SUN1: variants seen among roughly 807,000 people sequenced by gnomAD.
SUN1 encodes the protein SUN domain-containing protein 1.
Under a neutral mutation model 103.2 loss-of-function variants are expected in SUN1, and 61 were observed. The ratio of observed to expected loss-of-function variants is 0.59; its 90% CI spans 0.48 to 0.73. SUN1 has a LOEUF of 0.73. Ranked by LOEUF, SUN1 falls within the 30% of genes least tolerant of loss-of-function variation. The probability of loss-of-function intolerance (pLI) is 0.00; values close to 1 mark genes in which losing one functional copy is unlikely to be tolerated. For synonymous variants in SUN1, 490 were observed against 425.7 expected, an observed-to-expected ratio of 1.15 and a Z score of -1.86; for missense variants, 1,052 against 1,034.6, an observed-to-expected ratio of 1.02 and a Z score of -0.23.
chr7:859,107 C>G (rs10253379), intron 13 of SUN1, among the ~76,000 whole-genome samples: 4 of 150,348 alleles, frequency 2.7e-5, no homozygotes, highest in Admixed American at 2.6e-4. Flanking sequence ...GAGCCAAGAT[C>G]GCGCCACTGC....
At chr7:843,263 A>G (rs1344697193) in intron 4 of SUN1, 31 bp downstream of exon 4, 2 of 1,606,790 alleles carry the variant, frequency 1.2e-6, no homozygotes, top group Non-Finnish European at 1.7e-6. Context: ...ATCTTCATAT[A>G]CTTTTCAAAA....
intron 12 of SUN1, among the ~76,000 whole-genome samples, chr7:856,627 A>G (rs1351536244): frequency 6.6e-6 from 1 of 152,136 alleles, no homozygotes; most frequent in African/African-American, 2.4e-5. Context: ...CTCTGTAGTT[A>G]GCACTCTCAA....
At chr7:835,808 A>G (rs1455457532) in intron 1 of SUN1, among the ~76,000 whole-genome samples, 4 of 152,184 alleles carry the variant, frequency 2.6e-5, no homozygotes, top group African/African-American at 9.7e-5. Flanking sequence ...TCAGAGGAGG[A>G]TGTTTCCCGG....
intron 16 of SUN1, among the ~76,000 whole-genome samples, chr7:868,062 T>C (rs1326144334): frequency 6.6e-6 from 1 of 152,190 alleles, no homozygotes; most frequent in Non-Finnish European, 1.5e-5. Flanking sequence ...AGAAGACGGC[T>C]TGGGGGCTGA....
chr7:842,159 C>G (rs369771647), intron 3 of SUN1, 29 bp downstream of exon 3: 9 of 1,601,060 alleles, frequency 5.6e-6, no homozygotes, highest in Admixed American at 1.7e-5. Flanking sequence ...CAGATTGTCC[C>G]GCCTACAGTT....
chr7:845,421 G>A (rs887946927), intron 5 of SUN1, among the ~76,000 whole-genome samples: 1 of 152,178 alleles, frequency 6.6e-6, no homozygotes. Flanking sequence ...CAAAGGCCAG[G>A]ACTTGTGCGG....
chr7:847,441 TG>T (rs1453516922), intron 5 of SUN1, among the ~76,000 whole-genome samples: 2 of 148,680 alleles, frequency 1.3e-5, no homozygotes, highest in African/African-American at 2.5e-5. Flanking sequence ...CGGGATCCCC[TG>T]GGGGTTACTC....
chr7:815,933 A>C (rs1780240275), upstream of SUN1: 1 of 208,864 alleles, frequency 4.8e-6, no homozygotes. Flanking sequence ...GGCCGAGGTG[A>C]GCCCCGTCGG....
intron 16 of SUN1, among the ~76,000 whole-genome samples, chr7:866,954 A>G (rs1402808186): frequency 6.6e-6 from 1 of 152,108 alleles, no homozygotes; most frequent in African/African-American, 2.4e-5. Context: ...TCAATACTCA[A>G]ATCCTGCCTC....
intron 1 of SUN1, chr7:817,474 C>T (rs939408601): frequency 2.8e-5 from 43 of 1,536,158 alleles, no homozygotes; most frequent in East Asian, 4.9e-5. Flanking sequence ...GGATTTCTCC[C>T]GGCTCCCCAG....
At chr7:837,333 T>C (rs1284848760) in intron 1 of SUN1, among the ~76,000 whole-genome samples, 2 of 152,232 alleles carry the variant, frequency 1.3e-5, no homozygotes, top group Non-Finnish European at 2.9e-5. Context: ...ACTGTGCCGC[T>C]TTTGGTCCGG....
intron 15 of SUN1, among the ~76,000 whole-genome samples, chr7:864,161 A>G (rs1219860967): frequency 6.6e-6 from 1 of 152,080 alleles, no homozygotes; most frequent in African/African-American, 2.4e-5. Context: ...CAGGCATGCA[A>G]TGTGAAGTAA....
rs1054095778 is a variant in SUN1 at position 873,741 on chromosome 7, T to C, written c.*410T>C. 3 of 159,268 alleles carry C rather than the reference T, an allele frequency of 1.9e-5. No homozygotes were observed. The highest frequency in any genetic ancestry group is 4.1e-5 in the Non-Finnish European group (3 of 72,598). 9.9% of individuals were successfully genotyped at this position (159,268 alleles called of 1,614,324 possible). On this transcript the variant is annotated 3_prime_UTR_variant, in exon 19 of 19. Coordinates refer to ENST00000401592, the MANE Select transcript of SUN1 (RefSeq NM_001130965.3). The stretch of plus-strand genomic sequence containing the variant: ...AGGGCAGATAATTTCATCTGTTAAA[T>C]CCAACACACATTTCTTTCAGGGAAA...
chr7:848,910 G>T (rs566545510), intron 5 of SUN1, among the ~76,000 whole-genome samples: 6 of 152,278 alleles, frequency 3.9e-5, no homozygotes, highest in Non-Finnish European at 7.4e-5. Context: ...CCTTTTTAAA[G>T]CAAAAACTTT....
chr7:853,214 G>A, intron 9 of SUN1, 195 bp from the exon 10 acceptor site: 1 of 757,366 alleles, frequency 1.3e-6, no homozygotes, highest in South Asian at 1.9e-5. Context: ...AAAGTATAGA[G>A]AAGAAAATGA....
intron 3 of SUN1, 120 bp downstream of exon 3, chr7:842,250 G>A: frequency 9.0e-7 from 1 of 1,115,704 alleles, no homozygotes; most frequent in Non-Finnish European, 1.3e-6. Flanking sequence ...TAGGGAGAGG[G>A]AGGCTGTGGC....
intron 14 of SUN1, 34 bp downstream of exon 14, chr7:860,416 C>CA: frequency 6.2e-7 from 1 of 1,606,286 alleles, no homozygotes. Flanking sequence ...GAGATGCTTA[C>CA]AGTCCATTCT....
upstream of SUN1, chr7:816,099 T>A: frequency 4.9e-6 from 1 of 205,694 alleles, no homozygotes; most frequent in Non-Finnish European, 8.8e-6. Flanking sequence ...CACACACCTT[T>A]CCGAAGATGC....
upstream of SUN1, chr7:832,044 T>C: frequency 5.1e-6 from 5 of 988,396 alleles, no homozygotes; most frequent in Non-Finnish European, 6.0e-6. Context: ...CTGAGATGCT[T>C]GTGAGAGCTT....
Sources: gnomAD v4.1 joint callset for allele counts (sites outside exome capture counted in the v4.1 genomes callset) on GRCh38, gnomAD v4.1.1 for gene constraint, MANE v1.5 for transcripts, NCBI Gene and HGNC (gene_info 2026-07-23, HGNC 2026-07-21) for gene names.